Variants in EDA observed in about 807,000 individuals in gnomAD.
EDA encodes the protein ectodysplasin-A.
Under a neutral mutation model 23.6 loss-of-function variants are expected in EDA, and 2 were observed. The observed-to-expected ratio is 0.08, with a 90% confidence interval of 0.03 to 0.27. The LOEUF (loss-of-function observed/expected upper bound fraction) is 0.27. Among genes scored for constraint, EDA ranks in the 10% least tolerant of loss-of-function variants. The pLI is 1.00. For missense variants in EDA, 229 were observed against 324.2 expected (o/e 0.71, Z 2.26); for synonymous variants, 131 against 132.0 (o/e 0.99, Z 0.05).
Position 69,762,812 on chromosome X carries a change from A to G in EDA, c.396+146108A>G, listed in dbSNP as rs190773321. Among the ~76,000 whole-genome samples the G allele has an allele frequency of 2.7e-5, 3 of 111,970 alleles. No individual in the cohort carries two copies. In the East Asian group the frequency reaches 8.4e-4, roughly 31 times the overall value. The stretch of plus-strand genomic sequence containing the variant: ...TCATTGGAACTCAGCAAGATCAGTA[A>G]TTAAAACTCTTGGTCTTTCAGATGT... On this transcript the variant is annotated intron_variant, in intron 1 of 7. Coordinates refer to ENST00000374552, the MANE Select transcript of EDA (RefSeq NM_001399.5).
intron 1 of EDA, among the ~76,000 whole-genome samples, chrX:69,802,644 A>G (rs2015719013): frequency 9.0e-6 from 1 of 110,898 alleles, no homozygotes; most frequent in Non-Finnish European, 1.9e-5. Flanking sequence ...AACCAACTGT[A>G]TGTCCTTAGG....
In EDA at chrX:69,844,996, A is replaced by G. The variant is rs988556; in HGVS notation, c.397-112031A>G. Among the ~76,000 whole-genome samples the G allele has an allele frequency of 7.1e-3, 793 of 112,201 alleles. 3 individuals carry two copies. Among genetic ancestry groups the G allele is most frequent in the Non-Finnish European group, 0.013 (670 of 53,255 alleles). On this transcript the variant is annotated intron_variant, in intron 1 of 7. Coordinates refer to ENST00000374552, the MANE Select transcript of EDA (RefSeq NM_001399.5). ...AGAAGAAGGAAATGAGGGAAAGGAA[A>G]ATAAGTAATTGTCACCAGTTGGTAA...
chrX:69,987,282 A>C (rs1203387001), intron 2 of EDA, among the ~76,000 whole-genome samples: 2 of 104,206 alleles, frequency 1.9e-5, no homozygotes, highest in Admixed American at 2.0e-4. Context: ...AATAAAAAAA[A>C]AAAAATTAAA....
chrX:69,736,198 G>A (rs138208727), intron 1 of EDA, among the ~76,000 whole-genome samples: 8,356 of 109,529 alleles, frequency 0.076, 255 homozygotes, highest in Middle Eastern at 0.094. Context: ...CCAGCTACTC[G>A]GGAGACTGAG....
chrX:69,732,448 G>A (rs1012954506), intron 1 of EDA, among the ~76,000 whole-genome samples: 4 of 112,238 alleles, frequency 3.6e-5, no homozygotes, highest in Non-Finnish European at 7.5e-5. Context: ...TTTTATGGCT[G>A]CATAGTATTC....
Position 69,847,821 on chromosome X carries a change from A to G in EDA, c.397-109206A>G, listed in dbSNP as rs184570985. Reference sequence around the variant, plus strand: ...ATAAGTTTTCATTTCTCTGGGATAAATACATAGGAGTGGGTCATATGATAA... The same window carrying G: ...ATAAGTTTTCATTTCTCTGGGATAAGTACATAGGAGTGGGTCATATGATAA... On this transcript the variant is annotated intron_variant, in intron 1 of 7. Transcript: ENST00000374552. 1.9e-3 allele frequency among the ~76,000 whole-genome samples: 212 copies of G among 111,853 alleles called. 1 individual carries two copies. Among genetic ancestry groups the G allele is most frequent in the Non-Finnish European group, 3.0e-3 (157 of 53,145 alleles).
rs192324547 is a variant in EDA, at chrX:69,828,278, G to T, written c.397-128749G>T. Among the ~76,000 whole-genome samples the T allele has an allele frequency of 1.5e-4, 17 of 112,426 alleles. 1 individual carries two copies. The East Asian group carries it at 4.8e-3, about 32-fold the overall frequency. ...GTTTATGTAAGCAAGCCTGGGCAAT[G>T]GTGGGCGCCCCTCTCCCAGCCTCGC... is the stretch of plus-strand genomic sequence containing the variant. On this transcript the variant is annotated intron_variant, in intron 1 of 7. Transcript: ENST00000374552.
intron 1 of EDA, among the ~76,000 whole-genome samples, chrX:69,921,548 G>A (rs1194188263): frequency 9.1e-6 from 1 of 110,153 alleles, no homozygotes; most frequent in Non-Finnish European, 1.9e-5. Flanking sequence ...TTGATCATCC[G>A]ATTCCAATTT....
At chrX:69,833,055 G>A (rs1265960130) in intron 1 of EDA, among the ~76,000 whole-genome samples, 1 of 111,247 alleles carries the variant, frequency 9.0e-6, no homozygotes, top group Non-Finnish European at 1.9e-5. Context: ...TGATTGCCCT[G>A]GCCAGAACTT....
chrX:69,685,087 C>T (rs1484253292), intron 1 of EDA, among the ~76,000 whole-genome samples: 2 of 112,152 alleles, frequency 1.8e-5, no homozygotes, highest in African/African-American at 6.5e-5. Flanking sequence ...GTATTCATTA[C>T]TTGTTTAACT....
At chrX:69,675,771 T>C (rs1934061163) in intron 1 of EDA, among the ~76,000 whole-genome samples, 1 of 111,021 alleles carries the variant, frequency 9.0e-6, no homozygotes, top group Admixed American at 9.7e-5. Flanking sequence ...ATACATAGAA[T>C]GTCAGATAAT....
chrX:69,820,423 A>C (rs1211097792), intron 1 of EDA, among the ~76,000 whole-genome samples: 1 of 112,341 alleles, frequency 8.9e-6, no homozygotes, highest in African/African-American at 3.2e-5. Flanking sequence ...GAGCTTCTGC[A>C]CAGCAAATGA....
chrX:69,999,282 A>T (rs1407474515), intron 2 of EDA, among the ~76,000 whole-genome samples: 2 of 111,350 alleles, frequency 1.8e-5, no homozygotes, highest in Non-Finnish European at 3.8e-5. Context: ...CTTTTTTTCT[A>T]CCAGGGAGAA....
chrX:70,020,768 TA>T (rs1356197232), intron 2 of EDA, among the ~76,000 whole-genome samples: 1 of 111,770 alleles, frequency 8.9e-6, no homozygotes, highest in Non-Finnish European at 1.9e-5. Flanking sequence ...GCATCCATAT[TA>T]AAAATTACAA....
intron 1 of EDA, among the ~76,000 whole-genome samples, chrX:69,838,583 C>T (rs1269960539): frequency 2.7e-5 from 3 of 112,374 alleles, no homozygotes; most frequent in Non-Finnish European, 1.9e-5. Flanking sequence ...GCCAAGATCG[C>T]GCCACTGCAC....
chrX:69,952,678 CT>C (rs763285772), intron 1 of EDA, among the ~76,000 whole-genome samples: 2 of 112,290 alleles, frequency 1.8e-5, no homozygotes, highest in South Asian at 7.5e-4. Flanking sequence ...GGACTTTGAA[CT>C]ACTCTTACTA....
chrX:69,635,944 C>T (rs1932765305), intron 1 of EDA, among the ~76,000 whole-genome samples: 2 of 110,366 alleles, frequency 1.8e-5, no homozygotes, highest in South Asian at 7.8e-4. Context: ...GTGTCACCTA[C>T]TCCAAAAAAC....
At chrX:69,979,137 G>C (rs1362276475) in intron 2 of EDA, among the ~76,000 whole-genome samples, 1 of 111,288 alleles carries the variant, frequency 9.0e-6, no homozygotes, top group Non-Finnish European at 1.9e-5. Flanking sequence ...AGTTCCCTCA[G>C]ATAAGTGGAA....
intron 2 of EDA, among the ~76,000 whole-genome samples, chrX:69,995,691 T>G (rs1437171706): frequency 8.9e-6 from 1 of 112,686 alleles, no homozygotes; most frequent in Non-Finnish European, 1.9e-5. Flanking sequence ...AGGGCTTTAT[T>G]TAAAAATAGT....
Sources: allele counts gnomAD v4.1 joint callset (sites outside exome capture counted in the v4.1 genomes callset), GRCh38; gene constraint gnomAD v4.1.1; transcripts MANE v1.5; gene names NCBI Gene and HGNC (gene_info 2026-07-23, HGNC 2026-07-21).